Variants in DLGAP1 observed in about 807,000 individuals in gnomAD.
DLGAP1 encodes disks large-associated protein 1.
A neutral mutation model predicts 90.8 loss-of-function variants in DLGAP1; 11 were observed. The ratio of observed to expected loss-of-function variants is 0.12; its 90% CI spans 0.08 to 0.20. DLGAP1 has a LOEUF of 0.20. Among genes scored for constraint, DLGAP1 ranks in the 10% least tolerant of loss-of-function variants. DLGAP1 has a pLI of 1.00. For missense variants in DLGAP1, 1,050 were observed against 1,333.8 expected (o/e 0.79, Z 3.31); for synonymous variants, 558 against 540.7 (o/e 1.03, Z -0.44).
chr18:3,851,345 GC>G (rs1438533820), intron 4 of DLGAP1, among the ~76,000 whole-genome samples: 24 of 152,168 alleles, frequency 1.6e-4, no homozygotes, highest in African/African-American at 5.8e-4. Flanking sequence ...GTGACAGGCA[GC>G]CTGTGAAGTG....
chr18:3,671,186 T>G (rs1197662156), intron 7 of DLGAP1, among the ~76,000 whole-genome samples: 1 of 23,368 alleles, frequency 4.3e-5, no homozygotes, highest in Non-Finnish European at 6.7e-5. Context: ...CTTTGCTGCT[T>G]TTTTTTTTTT....
At chr18:3,725,548 AC>A (rs1054937359) in intron 7 of DLGAP1, among the ~76,000 whole-genome samples, 2 of 152,094 alleles carry the variant, frequency 1.3e-5, no homozygotes, top group African/African-American at 4.8e-5. Context: ...CTACTTTCCT[AC>A]CCTGATATTC....
intron 2 of DLGAP1, chr18:4,014,014 T>C (rs1015075426): frequency 6.6e-6 from 1 of 151,962 alleles, no homozygotes; most frequent in African/African-American, 2.4e-5. Flanking sequence ...ACCGTATACT[T>C]GGTATAGTTG....
At chr18:3,541,912 A>C (rs538988227) in intron 9 of DLGAP1, among the ~76,000 whole-genome samples, 1 of 152,194 alleles carries the variant, frequency 6.6e-6, no homozygotes, top group Non-Finnish European at 1.5e-5. Flanking sequence ...GGTGGAAAAA[A>C]AAAAAGGGGT....
At chr18:3,891,320 C>A (rs982571884) in intron 3 of DLGAP1, among the ~76,000 whole-genome samples, 5 of 152,114 alleles carry the variant, frequency 3.3e-5, no homozygotes, top group Non-Finnish European at 5.9e-5. Flanking sequence ...ATCCTTCTAC[C>A]TCACTCACTG....
rs1163991504 is a variant in DLGAP1 at position 3,926,411 on chromosome 18, TATATATATATAC to T, written c.-72-46283_-72-46272del. Among the ~76,000 whole-genome samples the T allele has an allele frequency of 3.7e-3, 193 of 51,706 alleles. 2 individuals carry two copies. Among genetic ancestry groups the T allele is most frequent in the Middle Eastern group, 7.4e-3 (1 of 136 alleles). The allele number at this position is 51,706 out of a possible 152,430, so 33.9% of individuals were successfully genotyped here. ...AGTGTAAGCAAATGACATATATATATATATATATATACACACACACACACACACACACACATG... is the reference window on the plus strand; with the variant it reads ...AGTGTAAGCAAATGACATATATATATACACACACACACACACACACACATG... On this transcript the variant is annotated intron_variant, in intron 3 of 12. Transcript: ENST00000315677.
Position 3,659,737 on chromosome 18 carries a change from C to T in DLGAP1, c.1591+69398G>A, listed in dbSNP as rs148468354. ...CGCCTGACCACACCCAGCTAAGTTT[C>T]GTATTTTTAGTAGAGACAGGGTTTC... On this transcript the variant is annotated intron_variant, in intron 7 of 12. Coordinates refer to ENST00000315677, the MANE Select transcript of DLGAP1 (RefSeq NM_004746.4). 4.3e-3 allele frequency among the ~76,000 whole-genome samples: 654 copies of T among 151,938 alleles called. 3 individuals are homozygous for T. The highest frequency in any genetic ancestry group is 0.015 in the African/African-American group (617 of 41,432).
intron 3 of DLGAP1, among the ~76,000 whole-genome samples, chr18:3,977,432 G>GTTTTTT (rs1467413382): frequency 5.7e-5 from 3 of 52,764 alleles, no homozygotes; most frequent in Admixed American, 2.7e-4. Flanking sequence ...TGTTTATTCT[G>GTTTTTT]TGTTTTTTTT....
chr18:4,339,580 T>G (rs1351201856), intron 1 of DLGAP1, among the ~76,000 whole-genome samples: 1 of 152,192 alleles, frequency 6.6e-6, no homozygotes, highest in East Asian at 1.9e-4. Flanking sequence ...AATAATGAGC[T>G]CACTCCAGTT....
At chr18:3,917,572 G>A (rs922423703) in intron 3 of DLGAP1, among the ~76,000 whole-genome samples, 1 of 152,208 alleles carries the variant, frequency 6.6e-6, no homozygotes, top group Admixed American at 6.5e-5. Context: ...ATTTATAAAT[G>A]TGAGGGTTTG....
In DLGAP1 at chr18:3,657,637, C is replaced by G. The variant is rs970924863; in HGVS notation, c.1591+71498G>C. ...TTTTTTTTTGAGACGGAGTCTTGCT[C>G]TGTTGCCCAGGCTGGAGTGCAGTGG... is the stretch of plus-strand genomic sequence containing the variant. On this transcript the variant is annotated intron_variant, in intron 7 of 12. Transcript: ENST00000315677. Among the ~76,000 whole-genome samples the G allele has an allele frequency of 4.9e-5, 7 of 142,590 alleles. No homozygotes were observed. In the South Asian group the frequency reaches 1.5e-3, roughly 31 times the overall value. The allele number at this position is 142,590 out of a possible 152,430, so 93.5% of individuals were successfully genotyped here.
At chr18:3,946,569 TG>T (rs1266166957) in intron 3 of DLGAP1, among the ~76,000 whole-genome samples, 1 of 152,184 alleles carries the variant, frequency 6.6e-6, no homozygotes, top group Non-Finnish European at 1.5e-5. Flanking sequence ...ATATTAGTGA[TG>T]GGGGTTTTCT....
intron 7 of DLGAP1, chr18:3,708,600 T>G (rs1440100496): frequency 4.4e-6 from 2 of 451,560 alleles, no homozygotes; most frequent in African/African-American, 2.0e-5. Context: ...GGAATCTGTT[T>G]GCGATGGGCA....
At chr18:4,265,232 G>A (rs996110648) in intron 1 of DLGAP1, among the ~76,000 whole-genome samples, 3 of 149,694 alleles carry the variant, frequency 2.0e-5, no homozygotes, top group African/African-American at 7.4e-5. Flanking sequence ...GCAGTGGCAC[G>A]ATCTCGGCTC....
chr18:3,939,128 G>A (rs2072707791), intron 3 of DLGAP1, among the ~76,000 whole-genome samples: 1 of 151,672 alleles, frequency 6.6e-6, no homozygotes, highest in Non-Finnish European at 1.5e-5. Flanking sequence ...TATTAAAAAT[G>A]TGGGCCAGTG....
chr18:4,316,797 G>C (rs551017062), intron 1 of DLGAP1, among the ~76,000 whole-genome samples: 1 of 152,154 alleles, frequency 6.6e-6, no homozygotes, highest in South Asian at 2.1e-4. Context: ...TCCTGAGTCC[G>C]GTTACTGACT....
At chr18:4,317,562 AG>A (rs1332835237) in intron 1 of DLGAP1, among the ~76,000 whole-genome samples, 1 of 152,202 alleles carries the variant, frequency 6.6e-6, no homozygotes, top group Non-Finnish European at 1.5e-5. Flanking sequence ...TATGTTTTCC[AG>A]GGCTGTACAG....
chr18:4,397,659 G>A (rs1370254356), intron 1 of DLGAP1, among the ~76,000 whole-genome samples: 1 of 152,104 alleles, frequency 6.6e-6, no homozygotes, highest in African/African-American at 2.4e-5. Context: ...GAGTAAAACT[G>A]TCCTGAATCT....
intron 2 of DLGAP1, among the ~76,000 whole-genome samples, chr18:4,082,986 C>A (rs531740606): frequency 6.6e-6 from 1 of 152,226 alleles, no homozygotes; most frequent in South Asian, 2.1e-4. Context: ...TTGCACGGGG[C>A]CTTGCTAGTT....
Sources: gnomAD v4.1 joint callset for allele counts (sites outside exome capture counted in the v4.1 genomes callset) on GRCh38, gnomAD v4.1.1 for gene constraint, MANE v1.5 for transcripts, NCBI Gene and HGNC (gene_info 2026-07-23, HGNC 2026-07-21) for gene names.